CD160: variants seen among roughly 807,000 people sequenced by gnomAD.
CD160 encodes the protein CD160 molecule.
A neutral mutation model predicts 19.2 loss-of-function variants in CD160; 11 were observed. The ratio of observed to expected loss-of-function variants is 0.57; its 90% CI spans 0.36 to 0.95. The LOEUF is 0.95. Among genes scored for constraint, CD160 ranks in the 40% least tolerant of loss-of-function variants. The pLI is 0.01. For synonymous variants in CD160, 75 were observed against 81.1 expected (o/e 0.93, Z 0.40); for missense variants, 182 against 213.2 (o/e 0.85, Z 0.91).
chr1:145,731,002 A>G lies in CD160; in HGVS notation c.332A>G (p.Gln111Arg). 6.2e-7 allele frequency: 1 copy of G among 1,614,138 alleles called. No individual in the cohort carries two copies. Among genetic ancestry groups the G allele is most frequent in the Non-Finnish European group, 8.5e-7 (1 of 1,180,022 alleles). ...QVTPLHSGTY[Q>R]CCARSQKSGI... ...ACACCGTTGCACAGTGGGACCTACC[A>G]GTGTTGTGCCAGAAGCCAGAAGTCA... The change falls in exon 4 of 6, where the codon CAG becomes CGG. Residue 111 changes from glutamine (Q) to arginine (R), a missense_variant. Physicochemically the swap from Gln to Arg is conservative, Grantham distance 43 (BLOSUM62 1). Transcript: ENST00000369288.
intron 4 of CD160, among the ~76,000 whole-genome samples, chr1:145,733,288 C>T (rs1657366001): frequency 6.6e-6 from 1 of 152,242 alleles, no homozygotes; most frequent in East Asian, 1.9e-4. Flanking sequence ...CACACGCCAC[C>T]ACCCATCCAA....
chr1:145,721,087 C>T (rs1260388671), intron 1 of CD160, among the ~76,000 whole-genome samples: 1 of 152,194 alleles, frequency 6.6e-6, no homozygotes, highest in Non-Finnish European at 1.5e-5. Context: ...GTAGTGGGCC[C>T]GGAAAATTCC....
chr1:145,730,756 T>A lies in CD160; in HGVS notation c.86T>A (p.Ile29Asn), dbSNP rs1422138647. 2 of 1,612,496 alleles carry A rather than the reference T, an allele frequency of 1.2e-6. No individual in the cohort carries two copies. The highest frequency in any genetic ancestry group is 1.7e-5 in the Admixed American group (1 of 60,024). ...CTTTCCATTCCAGGATGCATTAACA[T>A]CACCAGCTCAGCTTCCCAGGAAGGA... is the stretch of plus-strand genomic sequence containing the variant. ...VDIQSGGCIN[I>N]TSSASQEGTR... Residue 29 changes from isoleucine (I) to asparagine (N), a missense_variant, in exon 4 of 6, where the codon ATC (isoleucine) becomes AAC (asparagine). Transcript: ENST00000369288.
chr1:145,720,909 G>T (rs1553707716), intron 1 of CD160, among the ~76,000 whole-genome samples: 2 of 152,174 alleles, frequency 1.3e-5, no homozygotes, highest in Non-Finnish European at 2.9e-5. Context: ...AGAGTTTCCC[G>T]CCGTCTGTGA....
Position 145,731,003 on chromosome 1 carries a change from G to T in CD160, c.333G>T (p.Gln111His). ...QVTPLHSGTY[Q>H]CCARSQKSGI... ...CACCGTTGCACAGTGGGACCTACCAGTGTTGTGCCAGAAGCCAGAAGTCAG... is the reference window on the plus strand; with the variant it reads ...CACCGTTGCACAGTGGGACCTACCATTGTTGTGCCAGAAGCCAGAAGTCAG... The change falls in exon 4 of 6, where the codon CAG (glutamine) becomes CAT (histidine). Residue 111 changes from glutamine (Q) to histidine (H), a missense_variant. Transcript: ENST00000369288. 1 of 1,614,192 alleles carries T rather than the reference G, an allele frequency of 6.2e-7. No individual in the cohort carries two copies. The highest frequency in any genetic ancestry group is 8.5e-7 in the Non-Finnish European group (1 of 1,180,022).
At chr1:145,731,093 T>A (rs587762647) in intron 4 of CD160, 23 bp downstream of exon 4, 20 of 1,577,320 alleles carry the variant, frequency 1.3e-5, no homozygotes, top group Non-Finnish European at 1.7e-5. Flanking sequence ...ATACTCCTAA[T>A]GCCACCAGGT....
chr1:145,722,422 A>C (rs1289019133), intron 1 of CD160, among the ~76,000 whole-genome samples: 1 of 152,074 alleles, frequency 6.6e-6, no homozygotes, highest in Non-Finnish European at 1.5e-5. Context: ...TTAACCACTA[A>C]AACGTCCGCC....
chr1:145,729,205 G>A (rs1256827772), intron 3 of CD160, among the ~76,000 whole-genome samples: 2 of 152,130 alleles, frequency 1.3e-5, no homozygotes, highest in Non-Finnish European at 2.9e-5. Flanking sequence ...ATGGGTCTTG[G>A]AAGACCCATA....
chr1:145,722,161 G>T (rs1454241379), intron 1 of CD160, among the ~76,000 whole-genome samples: 1 of 152,132 alleles, frequency 6.6e-6, no homozygotes, highest in African/African-American at 2.4e-5. Context: ...CTGGAACACT[G>T]TCCATTGATT....
At chr1:145,725,512 G>T (rs1475905874) in intron 2 of CD160, among the ~76,000 whole-genome samples, 1 of 152,102 alleles carries the variant, frequency 6.6e-6, no homozygotes, top group Non-Finnish European at 1.5e-5. Flanking sequence ...GGACTGCAAA[G>T]ATGTATCAAT....
At chr1:145,721,247 G>A (rs1321454372) in intron 1 of CD160, among the ~76,000 whole-genome samples, 1 of 152,166 alleles carries the variant, frequency 6.6e-6, no homozygotes, top group East Asian at 1.9e-4. Flanking sequence ...CCCCATGCTC[G>A]CTGGATGGCC....
chr1:145,736,164 A>G (rs1553710128), intron 5 of CD160, 30 bp downstream of exon 5: 5 of 1,614,026 alleles, frequency 3.1e-6, no homozygotes, highest in Admixed American at 1.7e-5. Flanking sequence ...AAGCACCCCA[A>G]GCAATGAGGG....
At chr1:145,735,261 TA>T (rs1657435416) in intron 4 of CD160, among the ~76,000 whole-genome samples, 1 of 152,168 alleles carries the variant, frequency 6.6e-6, no homozygotes, top group Admixed American at 6.5e-5. Context: ...GAAGATAATT[TA>T]TGTTCATCCA....
chr1:145,728,574 G>A (rs1553708713), intron 3 of CD160, among the ~76,000 whole-genome samples, 174 bp downstream of exon 3: 1 of 147,070 alleles, frequency 6.8e-6, no homozygotes, highest in African/African-American at 2.5e-5. Flanking sequence ...CGCGATCTCG[G>A]CTCACTGCAA....
chr1:145,721,793 C>A (rs955231971), intron 1 of CD160, among the ~76,000 whole-genome samples: 6 of 152,188 alleles, frequency 3.9e-5, no homozygotes, highest in Non-Finnish European at 7.3e-5. Flanking sequence ...AGCCCACAAA[C>A]AACTATGAAG....
chr1:145,723,030 AT>A (rs1207062169), intron 1 of CD160, among the ~76,000 whole-genome samples: 5 of 152,066 alleles, frequency 3.3e-5, no homozygotes, highest in Non-Finnish European at 7.4e-5. Context: ...ATGATTTGTC[AT>A]TTTATTCATT....
intron 1 of CD160, among the ~76,000 whole-genome samples, chr1:145,720,655 T>G (rs1656798492): frequency 6.6e-6 from 1 of 152,212 alleles, no homozygotes; most frequent in South Asian, 2.1e-4. Flanking sequence ...AGAGGTTAGA[T>G]CCGGGCTCCG....
chr1:145,722,297 T>C (rs1275735535), intron 1 of CD160, among the ~76,000 whole-genome samples: 1 of 152,166 alleles, frequency 6.6e-6, no homozygotes, highest in East Asian at 1.9e-4. Flanking sequence ...AGGAAGAGAA[T>C]ATTTTGTCAC....
At chr1:145,723,228 A>G (rs1553708024) in intron 1 of CD160, among the ~76,000 whole-genome samples, 1 of 152,180 alleles carries the variant, frequency 6.6e-6, no homozygotes, top group East Asian at 1.9e-4. Context: ...AGATAAGTAC[A>G]GAAGAATTTA....
Sources: allele counts gnomAD v4.1 joint callset (sites outside exome capture counted in the v4.1 genomes callset), GRCh38; gene constraint gnomAD v4.1.1; transcripts MANE v1.5; gene names NCBI Gene and HGNC (gene_info 2026-07-23, HGNC 2026-07-21).